DNAH12: variants seen among roughly 807,000 people sequenced by gnomAD.
DNAH12 encodes axonemal beta dynein heavy chain 12.
DNAH12 carries 285 observed loss-of-function variants against 371.5 expected under a neutral mutation model. The ratio of observed to expected loss-of-function variants is 0.77; its 90% CI spans 0.70 to 0.85. The LOEUF is 0.85. DNAH12 is among the 40% of genes least tolerant of loss of function. The pLI is 0.00. For missense variants in DNAH12, 3,611 were observed against 3,689.4 expected (o/e 0.98, Z 0.55); for synonymous variants, 1,200 against 1,213.0 (o/e 0.99, Z 0.22).
chr3:57,513,722 A>ATT (rs1187717016), intron 4 of DNAH12, among the ~76,000 whole-genome samples: 15 of 152,200 alleles, frequency 9.9e-5, no homozygotes, highest in African/African-American at 3.6e-4. Flanking sequence ...ATTCATAATT[A>ATT]CAGAAAGCAA....
intron 36 of DNAH12, 62 bp downstream of exon 36, chr3:57,421,455 GC>G: frequency 2.0e-6 from 3 of 1,499,376 alleles, no homozygotes; most frequent in South Asian, 2.5e-5. Flanking sequence ...AAACCCAGGA[GC>G]TTTGTCTGCT....
At chr3:57,535,277 T>C (rs1302143587) in intron 2 of DNAH12, among the ~76,000 whole-genome samples, 1 of 152,212 alleles carries the variant, frequency 6.6e-6, no homozygotes, top group Non-Finnish European at 1.5e-5. Flanking sequence ...TCTGTCCTCA[T>C]GAATGAATTA....
At chr3:57,307,849 A>G (rs2061503856) in intron 69 of DNAH12, among the ~76,000 whole-genome samples, 1 of 152,026 alleles carries the variant, frequency 6.6e-6, no homozygotes, top group South Asian at 2.1e-4. Context: ...CCCTGATCAC[A>G]CTTGGTTTAC....
intron 62 of DNAH12, among the ~76,000 whole-genome samples, chr3:57,324,738 G>A (rs556278882): frequency 5.6e-4 from 86 of 152,320 alleles, no homozygotes; most frequent in Admixed American, 9.8e-4. Flanking sequence ...TGGGTGCAGC[G>A]CACCATGCAC....
chr3:57,437,438 A>G (rs187003000), intron 29 of DNAH12, among the ~76,000 whole-genome samples: 4 of 152,342 alleles, frequency 2.6e-5, no homozygotes, highest in African/African-American at 4.8e-5. Context: ...ATTATAAAAA[A>G]TTTAAACACA....
intron 58 of DNAH12, among the ~76,000 whole-genome samples, chr3:57,359,899 T>TCA (rs1297135978): frequency 6.6e-6 from 1 of 152,150 alleles, no homozygotes; most frequent in Non-Finnish European, 1.5e-5. Context: ...AGAATAGAAG[T>TCA]CAGGGTCAGA....
At chr3:57,500,041 T>G (rs13098672) in intron 11 of DNAH12, among the ~76,000 whole-genome samples, 100,269 of 150,016 alleles carry the variant, frequency 0.67, 33,751 homozygotes, top group South Asian at 0.75. Flanking sequence ...ACTATCAGAA[T>G]TACCTTTTTT....
intron 40 of DNAH12, among the ~76,000 whole-genome samples, chr3:57,407,475 GCA>G (rs1241931193): frequency 6.6e-6 from 1 of 152,132 alleles, no homozygotes; most frequent in Non-Finnish European, 1.5e-5. Context: ...TACTTGAACA[GCA>G]CACACTTTCC....
intron 62 of DNAH12, among the ~76,000 whole-genome samples, chr3:57,333,533 C>CT (rs2062156438): frequency 1.3e-5 from 2 of 151,856 alleles, no homozygotes; most frequent in Admixed American, 1.3e-4. Flanking sequence ...GTTTCACCAT[C>CT]TTGGCCAGGC....
intron 25 of DNAH12, among the ~76,000 whole-genome samples, chr3:57,450,146 G>A (rs1211951620): frequency 6.6e-6 from 1 of 151,938 alleles, no homozygotes; most frequent in Non-Finnish European, 1.5e-5. Context: ...TATTTGGGAG[G>A]CTGAGGCAGG....
chr3:57,353,120 CAT>C (rs1356365978), intron 59 of DNAH12, among the ~76,000 whole-genome samples: 1 of 141,426 alleles, frequency 7.1e-6, no homozygotes, highest in Middle Eastern at 3.5e-3. Flanking sequence ...AGTCAGAAAA[CAT>C]ATGGATAAAT....
the DNAH12 span, among the ~76,000 whole-genome samples, chr3:57,555,043 C>T: frequency 1.3e-5 from 2 of 151,932 alleles, no homozygotes; most frequent in African/African-American, 2.4e-5. Flanking sequence ...GCCAGGAGTT[C>T]GCGACCAGCC....
At chr3:57,303,066 G>A (rs540046775) in intron 69 of DNAH12, among the ~76,000 whole-genome samples, 7 of 151,750 alleles carry the variant, frequency 4.6e-5, no homozygotes, top group South Asian at 2.1e-4. Context: ...TCAACTGGGC[G>A]TGGTGGCTCA....
intron 66 of DNAH12, among the ~76,000 whole-genome samples, chr3:57,312,441 C>CT (rs2107682307): frequency 6.6e-6 from 1 of 152,370 alleles, no homozygotes; most frequent in South Asian, 2.1e-4. Flanking sequence ...ACAGCTCATT[C>CT]TCTGGCTGTC....
In DNAH12 at chr3:57,390,448, T is replaced by TATAC. The variant is rs1355667582; in HGVS notation, c.7305+1420_7305+1423dup. Among the ~76,000 whole-genome samples the TATAC allele has an allele frequency of 2.4e-5, 2 of 82,628 alleles. 1 individual carries two copies. The highest frequency in any genetic ancestry group is 6.9e-5 in the African/African-American group (2 of 28,894). The allele number at this position is 82,628 out of a possible 152,430, so 54.2% of individuals were successfully genotyped here. A position where few individuals can be genotyped will look rare whatever the true frequency, so the allele number is the denominator to read the frequency against. ...AAATATATATATATATATATATATA[T>TATAC]ATACTTAGACCAACCATGATTCAAT... On this transcript the variant is annotated intron_variant, in intron 45 of 73. Transcript: ENST00000495027.
chr3:57,335,327 T>C (rs1206632936), intron 60 of DNAH12, among the ~76,000 whole-genome samples: 2 of 152,214 alleles, frequency 1.3e-5, no homozygotes, highest in South Asian at 4.1e-4. Context: ...AAAGCTTAGG[T>C]GACTGGAGTT....
chr3:57,518,061 A>G (rs2068264502), intron 4 of DNAH12, among the ~76,000 whole-genome samples: 1 of 151,866 alleles, frequency 6.6e-6, no homozygotes, highest in South Asian at 2.1e-4. Flanking sequence ...CTCAAAAAAC[A>G]GAAAACATAA....
intron 69 of DNAH12, among the ~76,000 whole-genome samples, chr3:57,307,997 C>T (rs1468896216): frequency 6.6e-6 from 1 of 152,216 alleles, no homozygotes; most frequent in Non-Finnish European, 1.5e-5. Flanking sequence ...AATAACTTCT[C>T]AGTGTTCCAT....
intron 58 of DNAH12, among the ~76,000 whole-genome samples, chr3:57,363,117 A>G (rs919263408): frequency 5.3e-5 from 8 of 152,154 alleles, no homozygotes; most frequent in Non-Finnish European, 1.0e-4. Flanking sequence ...CCTCAGAAAT[A>G]ACACCATGCA....
Sources: allele counts gnomAD v4.1 joint callset (sites outside exome capture counted in the v4.1 genomes callset), GRCh38; gene constraint gnomAD v4.1.1; transcripts MANE v1.5; gene names NCBI Gene and HGNC (gene_info 2026-07-23, HGNC 2026-07-21).